FAM131C: variants seen among roughly 807,000 people sequenced by gnomAD.
FAM131C encodes the protein protein FAM131C.
A neutral mutation model predicts 29.8 loss-of-function variants in FAM131C; 14 were observed. That is an observed-to-expected ratio of 0.47 (90% CI 0.31 to 0.73). FAM131C has a LOEUF of 0.73. Ranked by LOEUF, FAM131C falls within the 30% of genes least tolerant of loss-of-function variation. The pLI is 0.05. For synonymous variants in FAM131C, 86 were observed against 157.8 expected (o/e 0.54, Z 3.41); for missense variants, 252 against 383.8 (o/e 0.66, Z 2.87).
chr1:16,062,055 A>C, intron 4 of FAM131C, 44 bp downstream of exon 4: 2 of 1,593,716 alleles, frequency 1.3e-6, no homozygotes, highest in Non-Finnish European at 1.7e-6. Flanking sequence ...CTAGGGTGGG[A>C]CCGTGCATTC....
At chr1:16,067,556 T>G (rs369397846) in intron 1 of FAM131C, among the ~76,000 whole-genome samples, 66 of 152,268 alleles carry the variant, frequency 4.3e-4, no homozygotes, top group Middle Eastern at 6.8e-3. Flanking sequence ...CATGGCAACC[T>G]GGAGAGGGCC....
At chr1:16,072,032 G>T (rs1174806884) in intron 1 of FAM131C, among the ~76,000 whole-genome samples, 1 of 152,162 alleles carries the variant, frequency 6.6e-6, no homozygotes, top group African/African-American at 2.4e-5. Flanking sequence ...TGCTCCTAAA[G>T]AACCCTCAGC....
In FAM131C at chr1:16,058,518, C is replaced by T. The variant is rs1183713363; in HGVS notation, c.762G>A (p.Glu254=). The T allele has an allele frequency of 5.9e-6, 9 of 1,519,594 alleles. No homozygotes were observed. Among genetic ancestry groups the T allele is most frequent in the Non-Finnish European group, 7.9e-6 (9 of 1,134,766 alleles). The allele number at this position is 1,519,594 out of a possible 1,614,324, so 94.1% of individuals were successfully genotyped here. ...GGGAGCCCGGGGGGTGGGTCCCACC[C>T]TCGGGTCCTTGGGCCCCGGGCAGCC... is the stretch of plus-strand genomic sequence containing the variant. ...RRRLPGAQGP[E]GGTHPPGSLP... is the part of the protein sequence containing the mutation. Residue 254 remains glutamate (E), a synonymous_variant, in exon 7 of 7, where the codon GAG becomes GAA. Transcript: ENST00000375662.
chr1:16,063,775 ACAGCAGGGAAGGGGTC>A (rs2023639474), intron 1 of FAM131C, 139 bp from the exon 2 acceptor site: 2 of 588,436 alleles, frequency 3.4e-6, no homozygotes, highest in Admixed American at 6.8e-5. Flanking sequence ...ACTCAAGTCC[ACAGCAGGGAAGGGGTC>A]CAGCCAGATG....
At chr1:16,061,263 C>T (rs985993600) in intron 4 of FAM131C, among the ~76,000 whole-genome samples, 2 of 140,424 alleles carry the variant, frequency 1.4e-5, no homozygotes, top group East Asian at 3.9e-4. Flanking sequence ...GTTCAAGTGG[C>T]CCTTGAAGGG....
Position 16,063,474 on chromosome 1 carries a change from C to T in FAM131C, c.138+47G>A, listed in dbSNP as rs750149972. On this transcript the variant is annotated intron_variant, in intron 2 of 6. Transcript: ENST00000375662. ...TGCTCCCTGCGGGGAGGAGACAGGC[C>T]GGGAACCGGGGCGCAGGTAGCACAG... The T allele has an allele frequency of 3.0e-5, 44 of 1,452,858 alleles. 1 individual carries two copies. Among genetic ancestry groups the T allele is most frequent in the South Asian group, 5.7e-5 (5 of 87,386 alleles). 90.0% of individuals were successfully genotyped at this position (1,452,858 alleles called of 1,614,324 possible).
At chr1:16,065,450 C>T (rs1004416221) in intron 1 of FAM131C, among the ~76,000 whole-genome samples, 16 of 152,244 alleles carry the variant, frequency 1.1e-4, no homozygotes, top group Non-Finnish European at 2.4e-4. Flanking sequence ...ATGCTCTAGG[C>T]CAGATTGTGT....
chr1:16,059,503 G>C lies in FAM131C; in HGVS notation c.553C>G (p.Gln185Glu), dbSNP rs368925601. Residue 185 changes from glutamine to glutamate, a missense_variant, in exon 6 of 7, where the codon CAG becomes GAG. Gln to Glu is a conservative substitution (Grantham distance 29, BLOSUM62 2). Transcript: ENST00000375662. ...HPENSPQGIV[Q>E]LQDLESIYLQ... ...ACCCTCTGGGCTGTACCTTGGAGCTGGACGATGCCTTGGGGGCTGTTCTCG... is the reference window on the plus strand; with the variant it reads ...ACCCTCTGGGCTGTACCTTGGAGCTCGACGATGCCTTGGGGGCTGTTCTCG... 393 of 1,610,976 alleles carry C rather than the reference G, an allele frequency of 2.4e-4. 1 individual carries two copies. Among genetic ancestry groups the C allele is most frequent in the Admixed American group, 4.0e-4 (24 of 59,622 alleles).
At chr1:16,062,017 T>A (rs1263684707) in intron 4 of FAM131C, 82 bp downstream of exon 4, 2 of 1,340,276 alleles carry the variant, frequency 1.5e-6, no homozygotes, top group African/African-American at 2.8e-5. Context: ...CACCTGCAAC[T>A]CAGCCATGCC....
intron 1 of FAM131C, among the ~76,000 whole-genome samples, chr1:16,071,183 G>T (rs570218738): frequency 6.6e-6 from 1 of 152,378 alleles, no homozygotes; most frequent in East Asian, 1.9e-4. Context: ...CAGGTGGGGG[G>T]CTCAGGAGCC....
intron 1 of FAM131C, among the ~76,000 whole-genome samples, chr1:16,064,070 T>C (rs2023642334): frequency 6.6e-6 from 1 of 152,088 alleles, no homozygotes; most frequent in African/African-American, 2.4e-5. Context: ...TGCCTGGATC[T>C]GAGGAGCTGA....
chr1:16,059,327 C>T (rs1174963087), intron 6 of FAM131C, among the ~76,000 whole-genome samples, 167 bp downstream of exon 6: 2 of 151,980 alleles, frequency 1.3e-5, no homozygotes, highest in African/African-American at 4.8e-5. Flanking sequence ...CTGGCACTGC[C>T]GGGCAATGGG....
intron 4 of FAM131C, among the ~76,000 whole-genome samples, chr1:16,061,404 C>G (rs372371016): frequency 2.0e-5 from 3 of 152,064 alleles, no homozygotes; most frequent in African/African-American, 7.2e-5. Context: ...TGGTGGCCAC[C>G]GAAACCTGCT....
rs898667889 is a variant in FAM131C, at chr1:16,073,411, G to A, written c.22+10C>T. 8 of 1,210,094 alleles carry A rather than the reference G, an allele frequency of 6.6e-6. No individual in the cohort carries two copies. Among genetic ancestry groups the A allele is most frequent in the Non-Finnish European group, 7.2e-6 (7 of 972,874 alleles). 75.0% of individuals were successfully genotyped at this position (1,210,094 alleles called of 1,614,324 possible). Reference sequence around the variant, plus strand: ...ACCCGATCCCCCCGCCCCCGGCCGGGCCCCCTCACCTCGCGACACGCAGGA... The same window carrying A: ...ACCCGATCCCCCCGCCCCCGGCCGGACCCCCTCACCTCGCGACACGCAGGA... On this transcript the variant is annotated intron_variant, in intron 1 of 6. Coordinates refer to ENST00000375662, the MANE Select transcript of FAM131C (RefSeq NM_182623.3).
At chr1:16,070,387 GAGTGC>G (rs2023736420) in intron 1 of FAM131C, among the ~76,000 whole-genome samples, 2 of 152,160 alleles carry the variant, frequency 1.3e-5, no homozygotes, top group Non-Finnish European at 2.9e-5. Flanking sequence ...TCAGCACCTC[GAGTGC>G]CTGCCACCCG....
intron 1 of FAM131C, among the ~76,000 whole-genome samples, chr1:16,066,862 T>G (rs9442235): frequency 0.49 from 74,426 of 152,086 alleles, 19,041 homozygotes; most frequent in African/African-American, 0.56. Context: ...GCATGTCCTG[T>G]ACAAGCCAGG....
intron 4 of FAM131C, among the ~76,000 whole-genome samples, 165 bp downstream of exon 4, chr1:16,061,934 C>T (rs1310820794): frequency 6.6e-6 from 1 of 151,342 alleles, no homozygotes; most frequent in African/African-American, 2.4e-5. Context: ...CACTGGTCCC[C>T]CCGTGACCCG....
At position 16,059,485 on chromosome 1, in the gene FAM131C, G is replaced by A. The variant is rs3884058; in HGVS notation, c.562+9C>T. 0.74 allele frequency: 1,189,818 copies of A among 1,599,760 alleles called. 442,213 individuals carry two copies. Among genetic ancestry groups the A allele is most frequent in the Admixed American group, 0.83 (48,666 of 58,356 alleles). On this transcript the variant is annotated intron_variant, in intron 6 of 6. Coordinates refer to ENST00000375662, the MANE Select transcript of FAM131C (RefSeq NM_182623.3). ...CCCACCCCCGCCCCCTGGACCCTCT[G>A]GGCTGTACCTTGGAGCTGGACGATG...
rs975153683 is a variant in FAM131C, at chr1:16,063,567, G to A, written c.92C>T (p.Pro31Leu). Residue 31 changes from proline to leucine, a missense_variant, in exon 2 of 7, where the codon CCC becomes CTC. This residue lies in a region of FAM131C where 76 missense variants were observed against 62.8 expected (regional missense o/e 1.21). Coordinates refer to ENST00000375662, the MANE Select transcript of FAM131C (RefSeq NM_182623.3). ...AGCCACGGTGGGAGTGCGGCCCGAG[G>A]GCAGATCTGGGTTCAAGGGGTCCGC... The part of the protein sequence containing the change: ...QGADPLNPDL[P>L]SGRTPTVAPD... The A allele has an allele frequency of 2.5e-6, 4 of 1,613,898 alleles. No homozygotes were observed. Among genetic ancestry groups the A allele is most frequent in the African/African-American group, 1.3e-5 (1 of 75,012 alleles).
Sources: allele counts gnomAD v4.1 joint callset (sites outside exome capture counted in the v4.1 genomes callset), GRCh38; gene constraint gnomAD v4.1.1; regional missense constraint gnomAD v4.1.1; transcripts MANE v1.5; gene names NCBI Gene and HGNC (gene_info 2026-07-23, HGNC 2026-07-21).